Variants in MECOM observed in about 807,000 individuals in gnomAD.
MECOM encodes histone-lysine N-methyltransferase MECOM.
Under a neutral mutation model 116.3 loss-of-function variants are expected in MECOM, and 13 were observed. The observed-to-expected ratio is 0.11, with a 90% CI of 0.07 to 0.18. The LOEUF is 0.18. MECOM is among the 10% of genes least tolerant of loss of function. The probability of loss-of-function intolerance (pLI) is 1.00; values close to 1 mark genes in which losing one functional copy is unlikely to be tolerated. For synonymous variants in MECOM, 528 were observed against 535.2 expected (o/e 0.99, Z 0.19); for missense variants, 1,299 against 1,509.0 (o/e 0.86, Z 2.31).
intron 3 of MECOM, 128 bp from the exon 4 acceptor site, chr3:169,131,659 T>G (rs998567520): frequency 1.3e-6 from 1 of 748,126 alleles, no homozygotes; most frequent in African/African-American, 1.8e-5. Flanking sequence ...TTTTTCTTTT[T>G]TATCAAAAGA....
At chr3:169,329,500 T>A (rs1008955976) in intron 2 of MECOM, among the ~76,000 whole-genome samples, 4 of 152,176 alleles carry the variant, frequency 2.6e-5, no homozygotes, top group Non-Finnish European at 5.9e-5. Flanking sequence ...CCATTGAGCA[T>A]CCTTTTCTAA....
chr3:169,347,250 G>T (rs747517401), intron 2 of MECOM, among the ~76,000 whole-genome samples: 3 of 151,948 alleles, frequency 2.0e-5, no homozygotes, highest in South Asian at 4.1e-4. Context: ...GGCAGTTAGT[G>T]GATGGAGACA....
Position 169,090,247 on chromosome 3 carries a change from C to G in MECOM, c.3165-11G>C, listed in dbSNP as rs1291661620. The G allele has an allele frequency of 6.3e-7, 1 of 1,579,900 alleles. No individual in the cohort carries two copies. Among genetic ancestry groups the G allele is most frequent in the South Asian group, 1.2e-5 (1 of 84,932 alleles). On this transcript the variant is annotated splice_polypyrimidine_tract_variant and intron_variant, in intron 14 of 16. Transcript: ENST00000651503. ...TGACTGCCATTCATTCTTTCAAAAG[C>G]ATTAAAAAAAAAGTCCAATTGTTGG...
chr3:169,097,820 A>T (rs1046268338), intron 12 of MECOM, among the ~76,000 whole-genome samples: 6,933 of 66,930 alleles, frequency 0.1, 206 homozygotes, highest in South Asian at 0.24. Flanking sequence ...GTCTATATAA[A>T]AAAAAAAAAA....
intron 1 of MECOM, among the ~76,000 whole-genome samples, chr3:169,500,271 C>T (rs1754370633): frequency 6.6e-6 from 1 of 151,954 alleles, no homozygotes; most frequent in African/African-American, 2.4e-5. Flanking sequence ...ACAGGCCTTC[C>T]ATGAGAGCAG....
chr3:169,597,866 C>T (rs1236951071), intron 1 of MECOM, among the ~76,000 whole-genome samples: 1 of 152,148 alleles, frequency 6.6e-6, no homozygotes, highest in Non-Finnish European at 1.5e-5. Flanking sequence ...TGGTGTCATA[C>T]AGAGACAATT....
intron 2 of MECOM, among the ~76,000 whole-genome samples, chr3:169,313,304 G>A (rs1348948133): frequency 7.3e-6 from 1 of 136,302 alleles, no homozygotes; most frequent in Non-Finnish European, 1.5e-5. Flanking sequence ...GTAAATTGCA[G>A]TGTTTTGCTC....
At chr3:169,346,203 A>T (rs1270621537) in intron 2 of MECOM, among the ~76,000 whole-genome samples, 1 of 152,120 alleles carries the variant, frequency 6.6e-6, no homozygotes, top group Non-Finnish European at 1.5e-5. Context: ...TAGTAAAATC[A>T]GGACTCTGCT....
At chr3:169,237,970 T>C (rs1754302406) in intron 2 of MECOM, among the ~76,000 whole-genome samples, 1 of 150,634 alleles carries the variant, frequency 6.6e-6, no homozygotes, top group Non-Finnish European at 1.5e-5. Context: ...AGGTAAGGAG[T>C]TCAAGACCAG....
chr3:169,236,475 G>A (rs1442984356), intron 2 of MECOM, among the ~76,000 whole-genome samples: 1 of 152,114 alleles, frequency 6.6e-6, no homozygotes, highest in Non-Finnish European at 1.5e-5. Flanking sequence ...ACCAGATAGG[G>A]TATCAATGTG....
chr3:169,455,887 T>C (rs1746395069), intron 1 of MECOM, among the ~76,000 whole-genome samples: 1 of 152,216 alleles, frequency 6.6e-6, no homozygotes, highest in African/African-American at 2.4e-5. Flanking sequence ...CTGCTGTTTG[T>C]GAATGTAGTT....
chr3:169,428,082 A>C (rs1003355365), intron 1 of MECOM, among the ~76,000 whole-genome samples: 2 of 152,114 alleles, frequency 1.3e-5, no homozygotes, highest in Non-Finnish European at 2.9e-5. Flanking sequence ...TGGGAGGCTG[A>C]GGCAGAAGAA....
intron 2 of MECOM, among the ~76,000 whole-genome samples, chr3:169,155,422 G>A (rs1741808695): frequency 6.6e-6 from 1 of 152,118 alleles, no homozygotes; most frequent in African/African-American, 2.4e-5. Context: ...CAGTTGGTCT[G>A]TTAAACTGTT....
chr3:169,478,821 A>G (rs923305746), intron 1 of MECOM, among the ~76,000 whole-genome samples: 2 of 152,184 alleles, frequency 1.3e-5, no homozygotes, highest in African/African-American at 4.8e-5. Flanking sequence ...TTTTAGGCCC[A>G]TTTTTAACCA....
At chr3:169,351,600 G>A (rs187425654) in intron 2 of MECOM, among the ~76,000 whole-genome samples, 2 of 151,798 alleles carry the variant, frequency 1.3e-5, no homozygotes, top group Non-Finnish European at 2.9e-5. Context: ...GCTGATAACG[G>A]TCATTTTTCT....
At chr3:169,336,774 T>A (rs891815238) in intron 2 of MECOM, among the ~76,000 whole-genome samples, 1 of 152,020 alleles carries the variant, frequency 6.6e-6, no homozygotes, top group African/African-American at 2.4e-5. Flanking sequence ...TTGGAAATAA[T>A]CAAGCATTAC....
chr3:169,457,981 T>C (rs886649529), intron 1 of MECOM, among the ~76,000 whole-genome samples: 1 of 152,182 alleles, frequency 6.6e-6, no homozygotes, highest in African/African-American at 2.4e-5. Context: ...CCTAAGCAAA[T>C]CCCAAGCTGC....
chr3:169,332,096 G>A (rs1308896838), intron 2 of MECOM, among the ~76,000 whole-genome samples: 2 of 151,736 alleles, frequency 1.3e-5, no homozygotes, highest in Non-Finnish European at 2.9e-5. Context: ...CAAACTAAAG[G>A]GAAGTGGCAT....
intron 2 of MECOM, among the ~76,000 whole-genome samples, chr3:169,224,111 T>C (rs2149504606): frequency 6.6e-6 from 1 of 152,308 alleles, no homozygotes; most frequent in Non-Finnish European, 1.5e-5. Context: ...GTGGTATCGA[T>C]ACTAAGGAGT....
Sources: gnomAD v4.1 joint callset for allele counts (sites outside exome capture counted in the v4.1 genomes callset) on GRCh38, gnomAD v4.1.1 for gene constraint, MANE v1.5 for transcripts, NCBI Gene and HGNC (gene_info 2026-07-23, HGNC 2026-07-21) for gene names.